Variants in PCDHGB2 observed in about 807,000 individuals in gnomAD.
PCDHGB2 encodes protocadherin gamma subfamily B, 2, also known as protocadherin gamma-B2.
In PCDHGB2, 55 loss-of-function variants were observed where a neutral mutation model predicts 59.3. The observed-to-expected ratio is 0.93, with a 90% CI of 0.75 to 1.16. The LOEUF is 1.16. Among genes scored for constraint, PCDHGB2 ranks in the 50% most tolerant of loss-of-function variants. The pLI, the probability that PCDHGB2 is intolerant of heterozygous loss-of-function variation, is 0.00. For synonymous variants in PCDHGB2, 516 were observed against 512.0 expected, an observed-to-expected ratio of 1.01 and a Z score of -0.11; for missense variants, 1,228 against 1,198.5, an observed-to-expected ratio of 1.02 and a Z score of -0.36.
rs201139834 is a variant in PCDHGB2 at position 141,371,333 on chromosome 5, T to G, written c.2421+8777T>G. ...GAGAACTGGACTTTGAAGAGAGAGA[T>G]AGCTACACAATTGGGGTGGAAGCAA... On this transcript the variant is annotated intron_variant, in intron 1 of 3. Transcript: ENST00000522605. 80 of 1,613,850 alleles carry G rather than the reference T, an allele frequency of 5.0e-5. No homozygotes were observed. The East Asian group carries it at 1.7e-3, about 34-fold the overall frequency.
Position 141,432,224 on chromosome 5 carries a change from T to C in PCDHGB2, c.2422-62583T>C. On this transcript the variant is annotated intron_variant, in intron 1 of 3. Transcript: ENST00000522605. The surrounding 1 kb of genome is among the most constrained non-coding windows in gnomAD (Gnocchi z 6.0). The stretch of plus-strand genomic sequence containing the variant: ...CTGTGAAGAGAACGCCCAGATCACT[T>C]ATTCCCTGGCTGAGAACACCATCCA... 6.2e-7 allele frequency: 1 copy of C among 1,614,138 alleles called. No homozygotes were observed. Among genetic ancestry groups the C allele is most frequent in the Non-Finnish European group, 8.5e-7 (1 of 1,180,024 alleles).
At chr5:141,404,917 G>C in intron 1 of PCDHGB2, 1 of 1,613,772 alleles carries the variant, frequency 6.2e-7, no homozygotes, top group Non-Finnish European at 8.5e-7. Flanking sequence ...CCCCTCTCTC[G>C]GCCACTGTCA....
intron 1 of PCDHGB2, chr5:141,411,384 A>G (rs1280664726): frequency 6.6e-6 from 1 of 152,092 alleles, no homozygotes; most frequent in Non-Finnish European, 1.5e-5. Context: ...AGCCTGGGCA[A>G]TATAGGGAGA....
chr5:141,473,147 T>A (rs2099315103), intron 1 of PCDHGB2, among the ~76,000 whole-genome samples: 1 of 152,222 alleles, frequency 6.6e-6, no homozygotes, highest in Admixed American at 6.5e-5. Flanking sequence ...TCTCTTCAGA[T>A]CACTAGGGCT....
rs74488479 is a variant in PCDHGB2, at chr5:141,361,383, A to G, written c.1248A>G (p.Pro416=). 3.5e-3 allele frequency: 5,633 copies of G among 1,614,024 alleles called. 147 individuals carry two copies. In the East Asian group the frequency reaches 0.073, roughly 21 times the overall value. ...GCGCTCTGGACCGGGAGGAGATCCC[A>G]GAATACAATCTCACCATCACAGCCA... is the stretch of plus-strand genomic sequence containing the variant. ...TDGALDREEI[P]EYNLTITATD... is the part of the protein sequence containing the mutation. The change falls in exon 1 of 4, where the codon CCA becomes CCG. Residue 416 remains proline (P), a synonymous_variant. Transcript: ENST00000522605.
chr5:141,427,428 T>A (rs1489623330), intron 1 of PCDHGB2: 1 of 470,472 alleles, frequency 2.1e-6, no homozygotes. Context: ...GGAGGTTACA[T>A]GCCTCATAAA....
chr5:141,387,317 A>C (rs149989100), intron 1 of PCDHGB2, among the ~76,000 whole-genome samples: 9 of 152,348 alleles, frequency 5.9e-5, no homozygotes, highest in African/African-American at 1.4e-4. Flanking sequence ...CTAATGAGTA[A>C]GTATGGAAAA....
chr5:141,429,234 T>C (rs2097199038), intron 1 of PCDHGB2: 1 of 152,114 alleles, frequency 6.6e-6, no homozygotes, highest in African/African-American at 2.4e-5. Context: ...ATGATACTGC[T>C]GTCATTGAGA....
intron 1 of PCDHGB2, among the ~76,000 whole-genome samples, chr5:141,456,124 C>G (rs2098844023): frequency 6.6e-6 from 1 of 152,072 alleles, no homozygotes. Context: ...GTCTCCATCT[C>G]CTGACCTCCT....
At chr5:141,437,225 T>C (rs943242286) in intron 1 of PCDHGB2, among the ~76,000 whole-genome samples, 2 of 152,240 alleles carry the variant, frequency 1.3e-5, no homozygotes, top group Admixed American at 1.3e-4. Flanking sequence ...ATTCCAGTCA[T>C]AAAATTATGT....
intron 1 of PCDHGB2, among the ~76,000 whole-genome samples, chr5:141,435,953 G>A (rs2097789156): frequency 6.6e-6 from 1 of 151,984 alleles, no homozygotes; most frequent in Non-Finnish European, 1.5e-5. Context: ...CAAAAAAGGG[G>A]GCAAAATATA....
rs115565444 is a variant in PCDHGB2, at chr5:141,487,520, G to A, written c.2422-7287G>A. On this transcript the variant is annotated intron_variant, in intron 1 of 3. Transcript: ENST00000522605. This position sits in a 1 kb window ranked among gnomAD's most constrained non-coding sequence, Gnocchi z 5.0. ...CTTGGCTTCTGCACCCACTCGGAGT[G>A]ATAGCTTCATGATGGTGAAGTCACC... is the stretch of plus-strand genomic sequence containing the variant. The A allele has an allele frequency of 3.3e-4, 540 of 1,614,166 alleles. 6 individuals carry two copies. The East Asian group carries it at 8.7e-3, about 26-fold the overall frequency.
chr5:141,508,974 G>A (rs962653911), intron 3 of PCDHGB2, among the ~76,000 whole-genome samples: 2 of 152,128 alleles, frequency 1.3e-5, no homozygotes, highest in Non-Finnish European at 2.9e-5. Flanking sequence ...AAAGGGCTGG[G>A]GGTGGGGGCC....
intron 1 of PCDHGB2, chr5:141,379,352 A>G (rs1189647778): frequency 1.3e-5 from 2 of 152,198 alleles, no homozygotes; most frequent in Non-Finnish European, 2.9e-5. Flanking sequence ...ATTTTCTTGT[A>G]TCTTTGTGAT....
chr5:141,362,525 G>T lies in PCDHGB2; in HGVS notation c.2390G>T (p.Gly797Val), dbSNP rs201960802. ...CAAAATACAAATCATGGAGCCGCTG[G>T]GGTCCCTTTTGCCTCAGATACTATT... Reference protein sequence around the residue: ...WEQNTNHGAAGVPFASDTILK... With the variant: ...WEQNTNHGAAVVPFASDTILK... The change falls in exon 1 of 4, where the codon GGG becomes GTG. Residue 797 changes from glycine to valine, a missense_variant. By Grantham distance (109) the Gly-to-Val change is moderately radical (BLOSUM62 -3). This residue lies in a region of PCDHGB2 where 433 missense variants were observed against 441.8 expected (regional missense o/e 0.98). Transcript: ENST00000522605. 422 of 1,613,832 alleles carry T rather than the reference G, an allele frequency of 2.6e-4. 1 individual carries two copies. The highest frequency in any genetic ancestry group is 3.3e-4 in the Non-Finnish European group (391 of 1,179,896).
intron 1 of PCDHGB2, chr5:141,375,334 G>C (rs1417595608): frequency 1.9e-6 from 3 of 1,613,802 alleles, no homozygotes; most frequent in East Asian, 2.2e-5. Context: ...AGGTATTCTT[G>C]TACAACATCA....
Position 141,485,954 on chromosome 5 carries a change from C to T in PCDHGB2, c.2422-8853C>T, listed in dbSNP as rs2154580519. The T allele has an allele frequency of 6.2e-7, 1 of 1,614,190 alleles. No individual in the cohort carries two copies. The highest frequency in any genetic ancestry group is 8.5e-7 in the Non-Finnish European group (1 of 1,180,038). ...GGAGAGCGCACCAGCGGGCATGGTG[C>T]TCATCCAGCTCAATGCCTCAGACCC... On this transcript the variant is annotated intron_variant, in intron 1 of 3. Coordinates refer to ENST00000522605, the MANE Select transcript of PCDHGB2 (RefSeq NM_018923.3). The surrounding 1 kb of genome is among the most constrained non-coding windows in gnomAD (Gnocchi z 5.7).
chr5:141,371,427 C>G lies in PCDHGB2; in HGVS notation c.2421+8871C>G, dbSNP rs773502490. The stretch of plus-strand genomic sequence containing the variant: ...TATTTCAGATGAAAATGACAATGCC[C>G]CGGAGATAACCCTGGCTTCTGAATC... On this transcript the variant is annotated intron_variant, in intron 1 of 3. Transcript: ENST00000522605. 1.9e-6 allele frequency: 3 copies of G among 1,613,898 alleles called. No homozygotes were observed. Among genetic ancestry groups the G allele is most frequent in the South Asian group, 2.2e-5 (2 of 91,072 alleles).
intron 1 of PCDHGB2, among the ~76,000 whole-genome samples, chr5:141,434,571 T>C (rs2154556263): frequency 6.6e-6 from 1 of 152,374 alleles, no homozygotes; most frequent in South Asian, 2.1e-4. Flanking sequence ...GACATGCCCC[T>C]GCTGCAGATA....
Sources: allele counts gnomAD v4.1 joint callset (sites outside exome capture counted in the v4.1 genomes callset), GRCh38; gene constraint gnomAD v4.1.1; regional missense constraint gnomAD v4.1.1; non-coding constraint Gnocchi (gnomAD v3.1); transcripts MANE v1.5; gene names NCBI Gene and HGNC (gene_info 2026-07-23, HGNC 2026-07-21).